Variants in CEMIP observed in about 807,000 individuals in gnomAD.
The protein encoded by CEMIP is cell migration inducing hyaluronidase 1.
A neutral mutation model predicts 156.9 loss-of-function variants in CEMIP; 105 were observed. That is an observed-to-expected ratio of 0.67 (90% CI 0.57 to 0.79). The LOEUF (loss-of-function observed/expected upper bound fraction) is 0.79, where lower values mean the gene tolerates loss of function less well. Among genes scored for constraint, CEMIP ranks in the 30% least tolerant of loss-of-function variants. The pLI is 0.00. For synonymous variants in CEMIP, 676 were observed against 668.4 expected (o/e 1.01, Z -0.17); for missense variants, 1,457 against 1,769.4 (o/e 0.82, Z 3.17).
intron 1 of CEMIP, among the ~76,000 whole-genome samples, chr15:80,824,757 G>A (rs1014693496): frequency 3.3e-5 from 5 of 152,188 alleles, no homozygotes; most frequent in African/African-American, 4.8e-5. Context: ...AAATAGGAAA[G>A]GCTCATTGTC....
At chr15:80,791,797 C>T (rs574732537) in intron 1 of CEMIP, among the ~76,000 whole-genome samples, 14 of 152,258 alleles carry the variant, frequency 9.2e-5, no homozygotes, top group Non-Finnish European at 1.6e-4. Context: ...GCCTTGTTGA[C>T]TGACCTGCAG....
Position 80,904,978 on chromosome 15 carries a change from C to A in CEMIP, c.1412-1685C>A, listed in dbSNP as rs1030823850. Reference sequence around the variant, plus strand: ...CTTGAATAAGATACTTCAAAAAAAACCCCACAATCTCACTGAGTCTGCAGA... The same window carrying A: ...CTTGAATAAGATACTTCAAAAAAAAACCCACAATCTCACTGAGTCTGCAGA... On this transcript the variant is annotated intron_variant, in intron 12 of 29. Transcript: ENST00000394685. Among the ~76,000 whole-genome samples the A allele has an allele frequency of 4.6e-5, 7 of 152,146 alleles. No individual in the cohort carries two copies. In the East Asian group the frequency reaches 5.8e-4, roughly 13 times the overall value.
intron 23 of CEMIP, among the ~76,000 whole-genome samples, chr15:80,934,690 G>A (rs1901049335): frequency 6.6e-6 from 1 of 152,160 alleles, no homozygotes; most frequent in African/African-American, 2.4e-5. Flanking sequence ...ATAGGAGAGG[G>A]AGATGGTGTT....
chr15:80,909,901 A>G, intron 14 of CEMIP: 1 of 302,276 alleles, frequency 3.3e-6, no homozygotes, highest in Non-Finnish European at 6.6e-6. Flanking sequence ...ACATCACAAA[A>G]TGGTACCCCG....
intron 3 of CEMIP, among the ~76,000 whole-genome samples, chr15:80,876,179 C>T (rs1283396589): frequency 6.6e-6 from 1 of 152,210 alleles, no homozygotes; most frequent in African/African-American, 2.4e-5. Flanking sequence ...TGGGAATTCA[C>T]CACCTTGGAG....
chr15:80,797,062 T>C (rs1352365678), intron 1 of CEMIP, among the ~76,000 whole-genome samples: 1 of 152,060 alleles, frequency 6.6e-6, no homozygotes, highest in Admixed American at 6.5e-5. Flanking sequence ...GGCTCTGGCA[T>C]GAAAGATGTC....
At chr15:80,907,275 A>T (rs1297211666) in intron 13 of CEMIP, among the ~76,000 whole-genome samples, 1 of 152,246 alleles carries the variant, frequency 6.6e-6, no homozygotes, top group Non-Finnish European at 1.5e-5. Flanking sequence ...TAGAAGTCAC[A>T]GCATTGGCTG....
intron 1 of CEMIP, among the ~76,000 whole-genome samples, chr15:80,784,775 T>C (rs1895887613): frequency 6.6e-6 from 1 of 152,200 alleles, no homozygotes; most frequent in Admixed American, 6.5e-5. Context: ...AGGTAGGGCC[T>C]GAGAGTCCAC....
chr15:80,865,498 T>C (rs932961035), intron 1 of CEMIP, among the ~76,000 whole-genome samples: 2 of 152,192 alleles, frequency 1.3e-5, no homozygotes, highest in Non-Finnish European at 2.9e-5. Flanking sequence ...AAATTTTTAA[T>C]TTTATCTAAT....
At chr15:80,929,325 T>A in intron 21 of CEMIP, 151 bp downstream of exon 21, 1 of 1,052,010 alleles carries the variant, frequency 9.5e-7, no homozygotes, top group Non-Finnish European at 1.5e-6. Context: ...GACTAACAAT[T>A]AAGGGATGAA....
chr15:80,898,283 C>T (rs550287713), intron 12 of CEMIP, among the ~76,000 whole-genome samples: 1 of 152,326 alleles, frequency 6.6e-6, no homozygotes, highest in South Asian at 2.1e-4. Context: ...TTTATGTCAG[C>T]TTCCTCATCT....
rs1555433923 is a variant in CEMIP, at chr15:80,899,225, A to AAG, written c.1411+3166_1411+3167insGA. On this transcript the variant is annotated intron_variant, in intron 12 of 29. Coordinates refer to ENST00000394685, the MANE Select transcript of CEMIP (RefSeq NM_001293298.2). ...AATACTCTGTCTCAAAAAAAAAAAA[A>AAG]AAAGAAAGAAAGAGAGAAAGAAAAC... Among the ~76,000 whole-genome samples the AAG allele has an allele frequency of 3.0e-3, 378 of 126,786 alleles. 1 individual carries two copies. The highest frequency in any genetic ancestry group is 5.0e-3 in the East Asian group (22 of 4,368). The allele number at this position is 126,786 out of a possible 152,430, so 83.2% of individuals were successfully genotyped here.
At position 80,906,666 on chromosome 15, in the gene CEMIP, A is replaced by T. The variant is rs1328483071; in HGVS notation, c.1415A>T (p.Lys472Ile). 2 of 1,612,558 alleles carry T rather than the reference A, an allele frequency of 1.2e-6. No individual in the cohort carries two copies. The highest frequency in any genetic ancestry group is 1.7e-6 in the Non-Finnish European group (2 of 1,178,906). The change falls in exon 13 of 30, where the codon AAA becomes ATA. Residue 472 changes from lysine to isoleucine, a missense_variant. Around this residue, in one of 5 missense-constraint regions of CEMIP, gnomAD observed 280 missense variants for 300.3 expected, o/e 0.93. Coordinates refer to ENST00000394685, the MANE Select transcript of CEMIP (RefSeq NM_001293298.2). This position sits in a 1 kb window ranked among gnomAD's most constrained non-coding sequence, Gnocchi z 4.3. ...CAPNQVKVAG[K>I]PMYLHIGEEI... ...CCGTCCTCCCTTTCTGCCCTAGGGA[A>T]ACCAATGTACCTGCACATCGGGGAG...
At chr15:80,910,554 G>A (rs1413099610) in intron 14 of CEMIP, among the ~76,000 whole-genome samples, 1 of 152,208 alleles carries the variant, frequency 6.6e-6, no homozygotes, top group Non-Finnish European at 1.5e-5. Flanking sequence ...AGGATTGTCT[G>A]TTGTTTCTGT....
rs150870616 is a variant in CEMIP, at chr15:80,943,002, G to A, written c.3757G>A (p.Gly1253Arg). 37 of 1,614,174 alleles carry A rather than the reference G, an allele frequency of 2.3e-5. No homozygotes were observed. Among genetic ancestry groups the A allele is most frequent in the Admixed American group, 6.7e-5 (4 of 60,026 alleles). Residue 1253 changes from glycine (G) to arginine (R), a missense_variant, in exon 28 of 30, where the codon GGG (glycine) becomes AGG (arginine). Gly to Arg is a moderately radical substitution (Grantham distance 125). Coordinates refer to ENST00000394685, the MANE Select transcript of CEMIP (RefSeq NM_001293298.2). ...TGGCATCCAGGTGGTGGTGATTGAC[G>A]GGAACCAAGGGCGCGTGGTGAGCCA... ...EDGIQVVVIDGNQGRVVSHTS... is the reference protein window; with the variant it reads ...EDGIQVVVIDRNQGRVVSHTS...
chr15:80,882,036 G>A (rs1898679067), intron 6 of CEMIP, among the ~76,000 whole-genome samples: 1 of 152,194 alleles, frequency 6.6e-6, no homozygotes, highest in South Asian at 2.1e-4. Flanking sequence ...TAGACAAACA[G>A]AGACAGAGCT....
Position 80,932,065 on chromosome 15 carries a change from C to T in CEMIP, c.2793+26C>T, listed in dbSNP as rs1900938367. ...GTGAGTGAGGCGCCAGGGCAGACTC[C>T]CGGCAAACCCAGACTTTGGATGGTG... On this transcript the variant is annotated intron_variant, in intron 22 of 29. Transcript: ENST00000394685. The surrounding 1 kb of genome is among the most constrained non-coding windows in gnomAD (Gnocchi z 4.5). 1 of 1,609,514 alleles carries T rather than the reference C, an allele frequency of 6.2e-7. No homozygotes were observed. The highest frequency in any genetic ancestry group is 1.7e-5 in the Admixed American group (1 of 59,998).
At chr15:80,813,105 G>A (rs745439563) in intron 1 of CEMIP, among the ~76,000 whole-genome samples, 1 of 152,150 alleles carries the variant, frequency 6.6e-6, no homozygotes, top group African/African-American at 2.4e-5. Context: ...CAGAAGATGA[G>A]GAATGAAAAC....
chr15:80,817,061 G>A (rs958212137), intron 1 of CEMIP, among the ~76,000 whole-genome samples: 10 of 152,132 alleles, frequency 6.6e-5, no homozygotes, highest in South Asian at 4.1e-4. Flanking sequence ...TTATAACAAG[G>A]CTATTTATAT....
Sources: allele counts gnomAD v4.1 joint callset (sites outside exome capture counted in the v4.1 genomes callset), GRCh38; gene constraint gnomAD v4.1.1; regional missense constraint gnomAD v4.1.1; non-coding constraint Gnocchi (gnomAD v3.1); transcripts MANE v1.5; gene names NCBI Gene and HGNC (gene_info 2026-07-23, HGNC 2026-07-21).